Variants in FOCAD observed in about 807,000 individuals in gnomAD.
FOCAD encodes the protein focadhesin, also known as KIAA1797.
FOCAD carries 198 observed loss-of-function variants against 225.6 expected under a neutral mutation model. That is an observed-to-expected ratio of 0.88 (90% CI 0.78 to 0.99). The LOEUF is 0.99. Among genes scored for constraint, FOCAD ranks in the 50% least tolerant of loss-of-function variants. FOCAD has a pLI of 0.00. For missense variants in FOCAD, 2,713 were observed against 2,123.6 expected, an observed-to-expected ratio of 1.28 and a Z score of -5.46; for synonymous variants, 897 against 755.0, an observed-to-expected ratio of 1.19 and a Z score of -3.08.
At chr9:20,957,205 A>G (rs181294909) in intron 35 of FOCAD, among the ~76,000 whole-genome samples, 1 of 151,386 alleles carries the variant, frequency 6.6e-6, no homozygotes, top group African/African-American at 2.4e-5. Context: ...CTAGGAGTGC[A>G]GGTACATACA....
At chr9:20,758,021 C>T (rs1829216532) in intron 5 of FOCAD, 69 bp from the exon 6 acceptor site, 2 of 982,160 alleles carry the variant, frequency 2.0e-6, no homozygotes, top group South Asian at 1.7e-5. Context: ...TTCTTTGCTG[C>T]TATATTTGGA....
At chr9:20,920,678 T>C (rs550910722) in intron 24 of FOCAD, among the ~76,000 whole-genome samples, 41 of 151,126 alleles carry the variant, frequency 2.7e-4, no homozygotes, top group African/African-American at 8.3e-4. Context: ...ATGGATGAAA[T>C]TGGAAATCAT....
At chr9:20,910,309 T>C (rs1833333805) in intron 22 of FOCAD, among the ~76,000 whole-genome samples, 1 of 137,162 alleles carries the variant, frequency 7.3e-6, no homozygotes, top group Admixed American at 7.3e-5. Flanking sequence ...TGAAAAGGGC[T>C]CTTTGGAATT....
At chr9:20,802,887 T>C (rs1040768796) in intron 11 of FOCAD, among the ~76,000 whole-genome samples, 1 of 152,202 alleles carries the variant, frequency 6.6e-6, no homozygotes, top group Non-Finnish European at 1.5e-5. Flanking sequence ...TTCATTAACA[T>C]ATCAGCAGGG....
At chr9:20,944,797 T>A in intron 29 of FOCAD, 23 bp downstream of exon 29, 1 of 1,597,208 alleles carries the variant, frequency 6.3e-7, no homozygotes, top group Middle Eastern at 1.7e-4. Flanking sequence ...GGCTACATTT[T>A]TTTCCCCTCT....
intron 21 of FOCAD, among the ~76,000 whole-genome samples, chr9:20,896,212 TG>T (rs1261764746): frequency 1.3e-5 from 2 of 152,030 alleles, no homozygotes; most frequent in East Asian, 3.9e-4. Flanking sequence ...CCAAAATCCA[TG>T]TGGTTGTGGT....
chr9:20,709,591 C>A (rs912956475), intron 1 of FOCAD, among the ~76,000 whole-genome samples: 3 of 150,888 alleles, frequency 2.0e-5, no homozygotes, highest in African/African-American at 7.3e-5. Context: ...TTGAAATTCC[C>A]TAAGAGGATA....
At chr9:20,656,226 T>C (rs1821472859), upstream of FOCAD, among the ~76,000 whole-genome samples, 1 of 150,862 alleles carries the variant, frequency 6.6e-6, no homozygotes, top group Non-Finnish European at 1.5e-5. Context: ...ATAGGTGTGG[T>C]GTGGTGCTGA....
intron 15 of FOCAD, among the ~76,000 whole-genome samples, chr9:20,841,880 G>A (rs1406966974): frequency 6.6e-6 from 1 of 151,666 alleles, no homozygotes; most frequent in Non-Finnish European, 1.5e-5. Flanking sequence ...ATTGATGTAG[G>A]TGCTTACTAC....
intron 34 of FOCAD, among the ~76,000 whole-genome samples, chr9:20,952,132 T>TCA (rs1837738845): frequency 6.6e-6 from 1 of 152,318 alleles, no homozygotes; most frequent in South Asian, 2.1e-4. Flanking sequence ...GGCAGGGATC[T>TCA]CACAGTGTCC....
chr9:20,671,093 CAATG>C (rs1438016058), intron 2 of FOCAD, among the ~76,000 whole-genome samples: 1 of 151,976 alleles, frequency 6.6e-6, no homozygotes, highest in African/African-American at 2.4e-5. Context: ...TGTAATAAGA[CAATG>C]AAATTATTAT....
At chr9:20,817,831 A>G (rs960984621) in intron 11 of FOCAD, among the ~76,000 whole-genome samples, 2 of 152,180 alleles carry the variant, frequency 1.3e-5, no homozygotes, top group Non-Finnish European at 2.9e-5. Flanking sequence ...ATTGTAAATA[A>G]TGCTTTTCTG....
At chr9:20,933,571 ATG>A (rs377115971) in intron 28 of FOCAD, among the ~76,000 whole-genome samples, 41 of 150,574 alleles carry the variant, frequency 2.7e-4, no homozygotes, top group South Asian at 4.2e-4. Flanking sequence ...GTGTGTGTGT[ATG>A]TGTGTGTGTG....
At chr9:20,789,262 T>G in intron 10 of FOCAD, 89 bp from the exon 11 acceptor site, 3 of 1,437,736 alleles carry the variant, frequency 2.1e-6, no homozygotes, top group Non-Finnish European at 2.9e-6. Context: ...GAGTGATATC[T>G]TACAATGAAA....
chr9:20,866,290 G>A (rs367666138), intron 17 of FOCAD, among the ~76,000 whole-genome samples: 29 of 151,942 alleles, frequency 1.9e-4, no homozygotes, highest in African/African-American at 6.7e-4. Flanking sequence ...CCACCAACAA[G>A]CATACCAAAC....
intron 31 of FOCAD, 140 bp from the exon 32 acceptor site, chr9:20,948,711 G>C: frequency 1.2e-6 from 1 of 805,682 alleles, no homozygotes; most frequent in Non-Finnish European, 2.0e-6. Context: ...TGCCATTTTT[G>C]GTTCAGTTAT....
intron 19 of FOCAD, among the ~76,000 whole-genome samples, chr9:20,877,445 A>G (rs925384664): frequency 6.6e-5 from 10 of 152,224 alleles, no homozygotes; most frequent in Non-Finnish European, 1.3e-4. Context: ...AGAGCACTTC[A>G]TAGATCACTT....
rs768835962 is a variant in FOCAD at position 20,720,445 on chromosome 9, C to T, written c.198C>T (p.Cys66=). 1 of 1,614,112 alleles carries T rather than the reference C, an allele frequency of 6.2e-7. No homozygotes were observed. ...CSDNVVVRTA[C]CEGLVALVAQ... ...ACAATGTAGTGGTTCGAACAGCCTG[C>T]TGTGAAGGTCTGGTGGCACTCGTTG... Residue 66 remains cysteine, a synonymous_variant, in exon 4 of 44, where the codon TGC becomes TGT. Coordinates refer to ENST00000338382, the MANE Select transcript of FOCAD (RefSeq NM_001375567.1).
chr9:20,977,313 C>T (rs577563517), intron 36 of FOCAD, among the ~76,000 whole-genome samples: 4 of 152,272 alleles, frequency 2.6e-5, no homozygotes, highest in South Asian at 2.1e-4. Flanking sequence ...GCTTCTTTGT[C>T]ATATAAGGTA....
Sources: gnomAD v4.1 joint callset for allele counts (sites outside exome capture counted in the v4.1 genomes callset) on GRCh38, gnomAD v4.1.1 for gene constraint, MANE v1.5 for transcripts, NCBI Gene and HGNC (gene_info 2026-07-23, HGNC 2026-07-21) for gene names.